ADNP: variants seen among roughly 807,000 people sequenced by gnomAD.
The protein encoded by ADNP is activity dependent neuroprotector homeobox.
A neutral mutation model predicts 84.9 loss-of-function variants in ADNP; 4 were observed. That is an observed-to-expected ratio of 0.05 (90% confidence interval 0.02 to 0.11). The LOEUF (loss-of-function observed/expected upper bound fraction) is 0.11. ADNP is among the 10% of genes least tolerant of loss of function. The pLI, the probability that ADNP is intolerant of heterozygous loss-of-function variation, is 1.00. For missense variants in ADNP, 1,132 were observed against 1,326.0 expected, an observed-to-expected ratio of 0.85 and a Z score of 2.27; for synonymous variants, 554 against 468.1, an observed-to-expected ratio of 1.18 and a Z score of -2.37.
chr20:50,899,734 G>C (rs911805467), intron 5 of ADNP, among the ~76,000 whole-genome samples: 1 of 150,290 alleles, frequency 6.7e-6, no homozygotes, highest in Non-Finnish European at 1.5e-5. Context: ...TTGACCCTGT[G>C]TAGGCCTAGG....
Position 50,890,929 on chromosome 20 carries a change from G to C in ADNP, c.*476C>G, listed in dbSNP as rs1380805916. 3 of 986,520 alleles carry C rather than the reference G, an allele frequency of 3.0e-6. No individual in the cohort carries two copies. The highest frequency in any genetic ancestry group is 3.5e-5 in the African/African-American group (2 of 57,340). The allele number at this position is 986,520 out of a possible 1,614,324, so 61.1% of individuals were successfully genotyped here. A position where few individuals can be genotyped will look rare whatever the true frequency, so the allele number is the denominator to read the frequency against. ...CAGGATCATGAGCATCACTTGAATA[G>C]GTCTAAAAGACTGTACAAATATACA... On this transcript the variant is annotated 3_prime_UTR_variant, in exon 6 of 6. Transcript: ENST00000621696.
chr20:50,903,641 C>T (rs776328986), intron 4 of ADNP, among the ~76,000 whole-genome samples: 3 of 152,186 alleles, frequency 2.0e-5, no homozygotes, highest in Non-Finnish European at 2.9e-5. Context: ...GACAACTTTA[C>T]GGCACCTAGT....
rs1983069194 is a variant in ADNP, at chr20:50,911,826, G to A, written c.-89-6977C>T. Among the ~76,000 whole-genome samples, 3 of 152,078 alleles carry A rather than the reference G, an allele frequency of 2.0e-5. No homozygotes were observed. The South Asian group carries it at 6.2e-4, about 32-fold the overall frequency. ...AAGACAACCCAGCTACCTCTGAACAGGCACAGATAAGCCAGAAGAAAAAGC... is the reference window on the plus strand; with the variant it reads ...AAGACAACCCAGCTACCTCTGAACAAGCACAGATAAGCCAGAAGAAAAAGC... On this transcript the variant is annotated intron_variant, in intron 2 of 5. Coordinates refer to ENST00000621696, the MANE Select transcript of ADNP (RefSeq NM_001282531.3).
Position 50,890,535 on chromosome 20 carries a change from CA to C in ADNP, c.*869del, listed in dbSNP as rs1159687456. 1 of 152,582 alleles carries C rather than the reference CA, an allele frequency of 6.6e-6. No individual in the cohort carries two copies. The highest frequency in any genetic ancestry group is 1.5e-5 in the Non-Finnish European group (1 of 68,036). 9.5% of individuals were successfully genotyped at this position (152,582 alleles called of 1,614,324 possible). A position where few individuals can be genotyped will look rare whatever the true frequency, so the allele number is the denominator to read the frequency against. On this transcript the variant is annotated 3_prime_UTR_variant, in exon 6 of 6. Transcript: ENST00000621696. ...TGCAGCACTCATTGGTTTGCTGCTT[CA>C]ACACAACACACTTTTATACAGATCT...
chr20:50,925,288 A>T (rs1389177064), intron 2 of ADNP, among the ~76,000 whole-genome samples: 39 of 150,364 alleles, frequency 2.6e-4, no homozygotes, highest in Non-Finnish European at 5.9e-5. Context: ...ACACACACAC[A>T]CACTACATAA....
At position 50,892,854 on chromosome 20, in the gene ADNP, C is replaced by T. The variant is rs1303943791; in HGVS notation, c.1860G>A (p.Gly620=). 6.2e-7 allele frequency: 1 copy of T among 1,614,098 alleles called. No individual in the cohort carries two copies. Among genetic ancestry groups the T allele is most frequent in the Non-Finnish European group, 8.5e-7 (1 of 1,180,050 alleles). ...QAAVPYKKDV[G]KTLCPLCFSI... ...AAAAGCAAAGAGGACAAAGGGTTTT[C>T]CCAACATCTTTTTTATAGGGCACTG... Residue 620 remains glycine (G), a synonymous_variant, in exon 6 of 6, where the codon GGG becomes GGA. Coordinates refer to ENST00000621696, the MANE Select transcript of ADNP (RefSeq NM_001282531.3).
Position 50,890,034 on chromosome 20 carries a change from A to T in ADNP, c.*1371T>A, listed in dbSNP as rs1191965623. 3 of 337,684 alleles carry T rather than the reference A, an allele frequency of 8.9e-6. No individual in the cohort carries two copies. Among genetic ancestry groups the T allele is most frequent in the Non-Finnish European group, 1.1e-5 (2 of 190,154 alleles). 20.9% of individuals were successfully genotyped at this position (337,684 alleles called of 1,614,324 possible). A position where few individuals can be genotyped will look rare whatever the true frequency, so the allele number is the denominator to read the frequency against. The stretch of plus-strand genomic sequence containing the variant: ...CAAATTAATGCCAATCCATGTTTAC[A>T]TTTTTTTTTTTATCATTGAGACATT... On this transcript the variant is annotated 3_prime_UTR_variant, in exon 6 of 6. Coordinates refer to ENST00000621696, the MANE Select transcript of ADNP (RefSeq NM_001282531.3).
Position 50,913,250 on chromosome 20 carries a change from CAAAAAAAAAAAAAAAAAAA to C in ADNP, c.-89-8420_-89-8402del, listed in dbSNP as rs56911332. ...CCTGGGCAAGAGTGAGACTCTGTCT[CAAAAAAAAAAAAAAAAAAA>C]AAAAAAAAAAAAAAAAAAAGGTATC... On this transcript the variant is annotated intron_variant, in intron 2 of 5. Coordinates refer to ENST00000621696, the MANE Select transcript of ADNP (RefSeq NM_001282531.3). 1.8e-3 allele frequency among the ~76,000 whole-genome samples: 79 copies of C among 42,900 alleles called. 1 individual carries two copies. The highest frequency in any genetic ancestry group is 9.9e-3 in the East Asian group (18 of 1,814). The allele number at this position is 42,900 out of a possible 152,430, so 28.1% of individuals were successfully genotyped here. A position where few individuals can be genotyped will look rare whatever the true frequency, so the allele number is the denominator to read the frequency against.
chr20:50,926,809 TTC>T (rs1281916814), intron 2 of ADNP, among the ~76,000 whole-genome samples: 10 of 152,338 alleles, frequency 6.6e-5, no homozygotes, highest in East Asian at 1.9e-4. Flanking sequence ...GCTGAAGTTT[TTC>T]TTTTTTTTAC....
chr20:50,911,591 G>A (rs6126124), intron 2 of ADNP, among the ~76,000 whole-genome samples: 38,878 of 150,924 alleles, frequency 0.26, 5,118 homozygotes, highest in Admixed American at 0.27. Flanking sequence ...GACAGTCCCA[G>A]TTTAGCAGGC....
intron 2 of ADNP, among the ~76,000 whole-genome samples, chr20:50,910,409 G>A (rs1272118633): frequency 2.0e-5 from 3 of 152,178 alleles, no homozygotes; most frequent in African/African-American, 7.2e-5. Flanking sequence ...TTCAAGACCA[G>A]ACTGAGCAAC....
At chr20:50,929,424 G>C (rs1479963886) in intron 1 of ADNP, among the ~76,000 whole-genome samples, 2 of 152,178 alleles carry the variant, frequency 1.3e-5, no homozygotes, top group Non-Finnish European at 2.9e-5. Flanking sequence ...TTAATCCTTC[G>C]CCATGTTGCT....
intron 2 of ADNP, among the ~76,000 whole-genome samples, chr20:50,918,596 G>A (rs1201739470): frequency 6.6e-6 from 1 of 152,174 alleles, no homozygotes; most frequent in Non-Finnish European, 1.5e-5. Flanking sequence ...TGAAGGCCCT[G>A]ATTCACTCTG....
intron 5 of ADNP, among the ~76,000 whole-genome samples, chr20:50,900,237 T>G (rs994995761): frequency 6.6e-6 from 1 of 152,194 alleles, no homozygotes; most frequent in Non-Finnish European, 1.5e-5. Context: ...TGTTAATCAC[T>G]CTTATAGTAT....
At position 50,926,025 on chromosome 20, in the gene ADNP, G is replaced by A. The variant is rs978193278; in HGVS notation, c.-90+2626C>T. 1.4e-4 allele frequency among the ~76,000 whole-genome samples: 22 copies of A among 152,262 alleles called. No homozygotes were observed. The South Asian group carries it at 1.9e-3, about 13-fold the overall frequency. The stretch of plus-strand genomic sequence containing the variant: ...TGAGGCAGGAAAATCACTCGAACCC[G>A]GGAAGCAGAGGTTGCAGTGAGCCGA... On this transcript the variant is annotated intron_variant, in intron 2 of 5. Coordinates refer to ENST00000621696, the MANE Select transcript of ADNP (RefSeq NM_001282531.3).
At chr20:50,895,135 T>C (rs1981247190) in intron 5 of ADNP, among the ~76,000 whole-genome samples, 1 of 152,208 alleles carries the variant, frequency 6.6e-6, no homozygotes, top group South Asian at 2.1e-4. Flanking sequence ...TGAAGGAAGT[T>C]ACTAAAGACT....
In ADNP at chr20:50,893,004, A is replaced by G. The variant is rs371595931; in HGVS notation, c.1710T>C (p.Asn570=). Residue 570 remains asparagine (N), a synonymous_variant, in exon 6 of 6, where the codon AAT becomes AAC. Coordinates refer to ENST00000621696, the MANE Select transcript of ADNP (RefSeq NM_001282531.3). This position sits in a 1 kb window ranked among gnomAD's most constrained non-coding sequence, Gnocchi z 4.4. ...TNIHLLVTTY[N]LRDAPAESVA... Reference sequence around the variant, plus strand: ...CAGATTCAGCTGGGGCATCCCTCAGATTGTATGTAGTTACCAGGAGATGGA... The same window carrying G: ...CAGATTCAGCTGGGGCATCCCTCAGGTTGTATGTAGTTACCAGGAGATGGA... The G allele has an allele frequency of 6.8e-6, 11 of 1,614,054 alleles. No individual in the cohort carries two copies. The African/African-American group carries it at 1.5e-4, about 22-fold the overall frequency.
intron 2 of ADNP, among the ~76,000 whole-genome samples, chr20:50,918,613 C>T (rs540472478): frequency 3.3e-5 from 5 of 152,200 alleles, no homozygotes; most frequent in Non-Finnish European, 7.3e-5. Context: ...TCTGCCTTAA[C>T]TAATAGATTT....
intron 2 of ADNP, among the ~76,000 whole-genome samples, chr20:50,925,187 GAAT>G (rs1235945836): frequency 2.0e-5 from 3 of 151,524 alleles, no homozygotes; most frequent in Non-Finnish European, 4.4e-5. Context: ...TCATTGATTA[GAAT>G]AAAAAAACGT....
Sources: gnomAD v4.1 joint callset for allele counts (sites outside exome capture counted in the v4.1 genomes callset) on GRCh38, gnomAD v4.1.1 for gene constraint, Gnocchi (gnomAD v3.1) non-coding constraint, MANE v1.5 for transcripts, NCBI Gene and HGNC (gene_info 2026-07-23, HGNC 2026-07-21) for gene names.